Variants in TMEM132C observed in about 807,000 individuals in gnomAD.
The protein encoded by TMEM132C is transmembrane protein 132C, also known as protein phosphatase 1, regulatory subunit 152.
In TMEM132C, 29 loss-of-function variants were observed where a neutral mutation model predicts 61.4. The observed-to-expected ratio is 0.47, with a 90% CI of 0.35 to 0.64. The LOEUF (loss-of-function observed/expected upper bound fraction) is 0.64. Among genes scored for constraint, TMEM132C ranks in the 30% least tolerant of loss-of-function variants. The pLI, the probability that TMEM132C is intolerant of heterozygous loss-of-function variation, is 0.00. For synonymous variants in TMEM132C, 656 were observed against 633.1 expected, an observed-to-expected ratio of 1.04 and a Z score of -0.54; for missense variants, 1,408 against 1,476.9, an observed-to-expected ratio of 0.95 and a Z score of 0.76.
At chr12:128,578,592 G>A (rs374163523) in intron 3 of TMEM132C, among the ~76,000 whole-genome samples, 1 of 148,568 alleles carries the variant, frequency 6.7e-6, no homozygotes, top group African/African-American at 2.5e-5. Context: ...AGAGGTTTTT[G>A]TTGTTGTTGT....
intron 4 of TMEM132C, among the ~76,000 whole-genome samples, chr12:128,663,902 A>G (rs1241428875): frequency 2.1e-5 from 3 of 145,500 alleles, no homozygotes; most frequent in Admixed American, 1.4e-4. Context: ...ACCCACATGC[A>G]CGCACACAGG....
At chr12:128,663,511 G>A (rs34910456) in intron 4 of TMEM132C, among the ~76,000 whole-genome samples, 113,625 of 152,120 alleles carry the variant, frequency 0.75, 42,767 homozygotes, top group African/African-American at 0.85. Flanking sequence ...GGATATTCGA[G>A]GTGGGGCGTT....
chr12:128,301,998 TG>T (rs1871615231), intron 1 of TMEM132C, among the ~76,000 whole-genome samples: 1 of 152,104 alleles, frequency 6.6e-6, no homozygotes, highest in Non-Finnish European at 1.5e-5. Flanking sequence ...GAGAACTGTA[TG>T]GGGGAAGCTG....
At chr12:128,572,246 GTGGTCTCTGC>G (rs1874915565) in intron 3 of TMEM132C, among the ~76,000 whole-genome samples, 1 of 145,650 alleles carries the variant, frequency 6.9e-6, no homozygotes, top group African/African-American at 2.7e-5. Flanking sequence ...CAGGCCCACT[GTGGTCTCTGC>G]TGGTCTCTGG....
chr12:128,360,276 A>ACACC (rs1555220359), intron 1 of TMEM132C, among the ~76,000 whole-genome samples: 3 of 133,870 alleles, frequency 2.2e-5, no homozygotes, highest in African/African-American at 7.9e-5. Flanking sequence ...ACACACACAC[A>ACACC]CACACCCCAG....
At chr12:128,565,884 A>G (rs867195738) in intron 3 of TMEM132C, among the ~76,000 whole-genome samples, 1 of 151,726 alleles carries the variant, frequency 6.6e-6, no homozygotes, top group African/African-American at 2.4e-5. Flanking sequence ...TGAAAAAAAA[A>G]AAAAGAAAAA....
At position 128,339,677 on chromosome 12, in the gene TMEM132C, T is replaced by TAAA. The variant is rs35420656; in HGVS notation, c.85+72202_85+72204dup. Among the ~76,000 whole-genome samples, 993 of 135,970 alleles carry TAAA rather than the reference T, an allele frequency of 7.3e-3. 14 individuals are homozygous for TAAA. The highest frequency in any genetic ancestry group is 0.025 in the African/African-American group (923 of 37,576). 89.2% of individuals were successfully genotyped at this position (135,970 alleles called of 152,430 possible). ...CTCCCCAAGTCCCAAACACCAGTAC[T>TAAA]AAAAAAAAAAAAAAGCTCTTGGCAG... On this transcript the variant is annotated intron_variant, in intron 1 of 8. Coordinates refer to ENST00000435159, the MANE Select transcript of TMEM132C (RefSeq NM_001136103.3).
intron 5 of TMEM132C, among the ~76,000 whole-genome samples, chr12:128,677,728 G>A (rs528064547): frequency 6.6e-6 from 1 of 152,332 alleles, no homozygotes; most frequent in East Asian, 1.9e-4. Context: ...GCACTGCCCA[G>A]GACAGGGTGG....
At chr12:128,297,029 C>T (rs772284419) in intron 1 of TMEM132C, among the ~76,000 whole-genome samples, 7 of 152,042 alleles carry the variant, frequency 4.6e-5, no homozygotes, top group Non-Finnish European at 8.8e-5. Flanking sequence ...GGAAATACAG[C>T]TGTAATTCCG....
Position 128,543,972 on chromosome 12 carries a change from G to T in TMEM132C, c.990G>T (p.Lys330Asn), listed in dbSNP as rs1213564715. ...ATCCCCACAGAGCCAAGGTGAAGAA[G>T]GGGGTGAACATCCTGAGTGCTCAGA... ...DLFILRAKVKKGVNILSAQTR... is the reference protein window; with the variant it reads ...DLFILRAKVKNGVNILSAQTR... Residue 330 changes from lysine (K) to asparagine (N), a missense_variant, in exon 3 of 9, where the codon AAG becomes AAT. Lys to Asn is a moderately conservative substitution (Grantham distance 94). Coordinates refer to ENST00000435159, the MANE Select transcript of TMEM132C (RefSeq NM_001136103.3). The T allele has an allele frequency of 1.3e-6, 2 of 1,546,344 alleles. No individual in the cohort carries two copies. The highest frequency in any genetic ancestry group is 2.4e-5 in the South Asian group (2 of 82,858).
chr12:128,427,928 G>A (rs925883077), intron 2 of TMEM132C, among the ~76,000 whole-genome samples: 2 of 152,196 alleles, frequency 1.3e-5, no homozygotes, highest in Admixed American at 6.5e-5. Flanking sequence ...AGCAGAATTT[G>A]CTAGAACAAA....
At chr12:128,653,023 C>G (rs972127043) in intron 4 of TMEM132C, among the ~76,000 whole-genome samples, 2 of 152,132 alleles carry the variant, frequency 1.3e-5, no homozygotes, top group East Asian at 3.8e-4. Flanking sequence ...TGGGAACAAC[C>G]CAAATGTCCA....
intron 1 of TMEM132C, among the ~76,000 whole-genome samples, chr12:128,322,314 G>A (rs908668179): frequency 6.6e-6 from 1 of 152,228 alleles, no homozygotes; most frequent in Non-Finnish European, 1.5e-5. Context: ...CTTCTCCATG[G>A]TTCTAACCCC....
intron 3 of TMEM132C, among the ~76,000 whole-genome samples, chr12:128,575,262 C>T (rs902775403): frequency 1.3e-5 from 2 of 152,176 alleles, no homozygotes; most frequent in African/African-American, 2.4e-5. Flanking sequence ...AGGCGGATCA[C>T]GAGGTCAAGA....
rs115712913 is a variant in TMEM132C at position 128,440,924 on chromosome 12, T to C, written c.974+25304T>C. Among the ~76,000 whole-genome samples the C allele has an allele frequency of 7.4e-3, 1,130 of 151,804 alleles. 9 individuals carry two copies. Among genetic ancestry groups the C allele is most frequent in the African/African-American group, 0.026 (1,058 of 41,386 alleles). On this transcript the variant is annotated intron_variant, in intron 2 of 8. Coordinates refer to ENST00000435159, the MANE Select transcript of TMEM132C (RefSeq NM_001136103.3). Reference sequence around the variant, plus strand: ...ATTATCCAGGCGTCGTGGTGTAGTCTCAGCTACTTGGGAGGCTGAGGCAGG... The same window carrying C: ...ATTATCCAGGCGTCGTGGTGTAGTCCCAGCTACTTGGGAGGCTGAGGCAGG...
chr12:128,629,371 T>C (rs1954046723), intron 4 of TMEM132C, among the ~76,000 whole-genome samples: 1 of 152,002 alleles, frequency 6.6e-6, no homozygotes, highest in Admixed American at 6.6e-5. Flanking sequence ...TTTTTAAAAA[T>C]GAGGCGGGAG....
chr12:128,481,867 A>G (rs1165173637), intron 2 of TMEM132C, among the ~76,000 whole-genome samples: 1 of 152,118 alleles, frequency 6.6e-6, no homozygotes, highest in African/African-American at 2.4e-5. Context: ...AAATGAATGT[A>G]AGACCACACT....
chr12:128,510,395 A>G (rs1402991884), intron 2 of TMEM132C, among the ~76,000 whole-genome samples: 1 of 152,224 alleles, frequency 6.6e-6, no homozygotes, highest in African/African-American at 2.4e-5. Context: ...AGGATTTGCC[A>G]AGAGGGCAGA....
intron 2 of TMEM132C, among the ~76,000 whole-genome samples, chr12:128,443,593 A>G (rs1261889059): frequency 6.6e-6 from 1 of 152,168 alleles, no homozygotes; most frequent in Non-Finnish European, 1.5e-5. Context: ...TGAAATCAGA[A>G]TCTCTGGGAC....
Sources: allele counts gnomAD v4.1 joint callset (sites outside exome capture counted in the v4.1 genomes callset), GRCh38; gene constraint gnomAD v4.1.1; transcripts MANE v1.5; gene names NCBI Gene and HGNC (gene_info 2026-07-23, HGNC 2026-07-21).